FSTL5: variants seen among roughly 807,000 people sequenced by gnomAD.
The protein encoded by FSTL5 is follistatin-related protein 5.
FSTL5 carries 62 observed loss-of-function variants against 89.1 expected under a neutral mutation model. The observed-to-expected ratio is 0.70, with a 90% CI of 0.57 to 0.86. FSTL5 has a LOEUF of 0.86. FSTL5 is among the 40% of genes least tolerant of loss of function. The pLI is 0.00. For missense variants in FSTL5, 1,057 were observed against 1,001.6 expected, an observed-to-expected ratio of 1.06 and a Z score of -0.75; for synonymous variants, 383 against 346.2, an observed-to-expected ratio of 1.11 and a Z score of -1.18.
chr4:161,480,199 C>A (rs1334622187), intron 13 of FSTL5, among the ~76,000 whole-genome samples: 2 of 152,196 alleles, frequency 1.3e-5, no homozygotes, highest in African/African-American at 4.8e-5. Flanking sequence ...CCAGGGTCTA[C>A]TATAAATGCT....
intron 4 of FSTL5, among the ~76,000 whole-genome samples, chr4:161,801,905 T>C (rs1483397817): frequency 6.6e-6 from 1 of 151,634 alleles, no homozygotes; most frequent in East Asian, 1.9e-4. Context: ...AATTGCAGAA[T>C]ATGGAATTAT....
At chr4:161,517,089 G>A (rs949422698) in intron 10 of FSTL5, among the ~76,000 whole-genome samples, 2 of 151,952 alleles carry the variant, frequency 1.3e-5, no homozygotes, top group African/African-American at 4.8e-5. Context: ...GGGTTTCACT[G>A]TGTTGGCCAG....
chr4:161,666,853 A>T (rs1391943950), intron 6 of FSTL5, among the ~76,000 whole-genome samples: 2 of 152,118 alleles, frequency 1.3e-5, no homozygotes, highest in African/African-American at 4.8e-5. Context: ...AAAAGCATTT[A>T]GCTACTAGGG....
chr4:161,835,896 C>T (rs553597948), intron 4 of FSTL5, among the ~76,000 whole-genome samples: 142 of 150,734 alleles, frequency 9.4e-4, no homozygotes, highest in African/African-American at 3.3e-3. Flanking sequence ...GTCAGTGTGG[C>T]GATTCCTCAG....
At chr4:161,746,153 A>C (rs1170327084) in intron 6 of FSTL5, among the ~76,000 whole-genome samples, 1 of 150,500 alleles carries the variant, frequency 6.6e-6, no homozygotes. Flanking sequence ...TTTTTTTTTT[A>C]ATTTGAGGTT....
intron 3 of FSTL5, among the ~76,000 whole-genome samples, chr4:161,926,585 A>G (rs1734133440): frequency 6.6e-6 from 1 of 151,754 alleles, no homozygotes; most frequent in South Asian, 2.1e-4. Context: ...TGAGATCAGT[A>G]CCTAATATGG....
At chr4:161,887,864 T>C (rs898043305) in intron 4 of FSTL5, among the ~76,000 whole-genome samples, 5 of 152,170 alleles carry the variant, frequency 3.3e-5, no homozygotes, top group Non-Finnish European at 7.3e-5. Context: ...GACACTGAAG[T>C]CTAAAAAGAA....
intron 4 of FSTL5, among the ~76,000 whole-genome samples, chr4:161,894,546 A>G (rs1238506719): frequency 2.0e-5 from 3 of 152,086 alleles, no homozygotes; most frequent in Non-Finnish European, 2.9e-5. Flanking sequence ...CAGTGGCTCA[A>G]TCTTGGCTCA....
rs554004622 is a variant in FSTL5 at position 161,384,805 on chromosome 4, A to G, written c.*942T>C. On this transcript the variant is annotated 3_prime_UTR_variant, in exon 16 of 16. Transcript: ENST00000306100. ...AATTTCCCTATATATGGTTTACTTT[A>G]GCAGACAAAAGTAATGTTTCTTTTT... is the stretch of plus-strand genomic sequence containing the variant. The G allele has an allele frequency of 3.9e-5, 6 of 152,206 alleles. No homozygotes were observed. The East Asian group carries it at 1.2e-3, about 29-fold the overall frequency. 9.4% of individuals were successfully genotyped at this position (152,206 alleles called of 1,614,324 possible).
intron 3 of FSTL5, among the ~76,000 whole-genome samples, chr4:161,958,753 A>G (rs557988101): frequency 1.3e-5 from 2 of 152,228 alleles, no homozygotes; most frequent in South Asian, 2.1e-4. Context: ...GCGCAGTGCA[A>G]TGGAGGGGTT....
intron 4 of FSTL5, among the ~76,000 whole-genome samples, chr4:161,779,811 GTATATATATATATATATATA>G (rs1203119725): frequency 1.2e-4 from 5 of 40,446 alleles, no homozygotes; most frequent in African/African-American, 1.9e-4. Context: ...ATATATATAT[GTATATATATATATATATATA>G]TATATGTATA....
intron 1 of FSTL5, among the ~76,000 whole-genome samples, 185 bp from the exon 2 acceptor site, chr4:162,111,597 C>T (rs532707243): frequency 1.4e-3 from 218 of 151,924 alleles, no homozygotes; most frequent in African/African-American, 5.0e-3. Context: ...ATAACAAATA[C>T]TTTTTTTCAT....
chr4:161,945,339 T>C (rs1734705852), intron 3 of FSTL5, among the ~76,000 whole-genome samples: 1 of 152,210 alleles, frequency 6.6e-6, no homozygotes, highest in Non-Finnish European at 1.5e-5. Context: ...GAGAACTCTA[T>C]AAATAATTCA....
intron 15 of FSTL5, among the ~76,000 whole-genome samples, chr4:161,389,591 C>G (rs1018172386): frequency 6.6e-6 from 1 of 152,098 alleles, no homozygotes; most frequent in Non-Finnish European, 1.5e-5. Flanking sequence ...TCCAAGCTAA[C>G]TTATTTTCAT....
At chr4:161,443,735 T>A (rs1419344040) in intron 15 of FSTL5, among the ~76,000 whole-genome samples, 7 of 151,942 alleles carry the variant, frequency 4.6e-5, no homozygotes, top group African/African-American at 1.7e-4. Context: ...AGAGTGATAC[T>A]GAGTTTGGCT....
intron 10 of FSTL5, among the ~76,000 whole-genome samples, chr4:161,511,567 T>A (rs1160016501): frequency 1.3e-5 from 2 of 152,112 alleles, no homozygotes; most frequent in Non-Finnish European, 2.9e-5. Context: ...TCTGAACATG[T>A]AATGTACAAT....
rs566266248 is a variant in FSTL5, at chr4:161,578,861, T to C, written c.1015+8594A>G. Among the ~76,000 whole-genome samples the C allele has an allele frequency of 7.9e-5, 12 of 152,210 alleles. No individual in the cohort carries two copies. In the South Asian group the frequency reaches 2.3e-3, roughly 29 times the overall value. On this transcript the variant is annotated intron_variant, in intron 8 of 15. Transcript: ENST00000306100. ...AAAATAAAAACCAAAAACTGCCTAC[T>C]TAGAATTTAATATCCAACAGAAATA...
chr4:161,496,719 TCCCA>T (rs1041243016), intron 12 of FSTL5, among the ~76,000 whole-genome samples: 1 of 151,918 alleles, frequency 6.6e-6, no homozygotes, highest in Non-Finnish European at 1.5e-5. Context: ...ACTTGACATA[TCCCA>T]CCTGCAGTTG....
intron 7 of FSTL5, among the ~76,000 whole-genome samples, chr4:161,620,612 C>T (rs1435578773): frequency 6.6e-6 from 1 of 152,080 alleles, no homozygotes; most frequent in Non-Finnish European, 1.5e-5. Flanking sequence ...GCCGAGATCG[C>T]GCCATTGCAC....
Sources: gnomAD v4.1 joint callset for allele counts (sites outside exome capture counted in the v4.1 genomes callset) on GRCh38, gnomAD v4.1.1 for gene constraint, MANE v1.5 for transcripts, NCBI Gene and HGNC (gene_info 2026-07-23, HGNC 2026-07-21) for gene names.